The following NKAIN3 variants were observed in gnomAD, a reference collection of about 807,000 sequenced individuals.
NKAIN3 encodes the protein sodium/potassium-transporting ATPase subunit beta-1-interacting protein 3.
A neutral mutation model predicts 30.2 loss-of-function variants in NKAIN3; 25 were observed. That is an observed-to-expected ratio of 0.83 (90% CI 0.60 to 1.16). The LOEUF (loss-of-function observed/expected upper bound fraction) is 1.16. Among genes scored for constraint, NKAIN3 ranks in the 50% most tolerant of loss-of-function variants. The pLI is 0.00. For synonymous variants in NKAIN3, 91 were observed against 89.6 expected, an observed-to-expected ratio of 1.02 and a Z score of -0.09; for missense variants, 225 against 254.1, an observed-to-expected ratio of 0.89 and a Z score of 0.78.
chr8:62,871,744 C>T (rs1820653714), intron 4 of NKAIN3, among the ~76,000 whole-genome samples: 2 of 152,160 alleles, frequency 1.3e-5, no homozygotes. Context: ...TATGGAATCC[C>T]TCCTTTAACT....
intron 2 of NKAIN3, among the ~76,000 whole-genome samples, chr8:62,580,927 G>T (rs1159642846): frequency 6.9e-5 from 8 of 116,300 alleles, no homozygotes; most frequent in Non-Finnish European, 1.3e-4. Context: ...TATATATATA[G>T]AAATCCAGTG....
chr8:62,304,773 A>G (rs996170657), intron 1 of NKAIN3, among the ~76,000 whole-genome samples: 5 of 150,306 alleles, frequency 3.3e-5, no homozygotes, highest in African/African-American at 1.3e-4. Flanking sequence ...ACTCAACCAG[A>G]GTGACAGCAT....
chr8:62,723,433 T>A (rs1309704012), intron 3 of NKAIN3, among the ~76,000 whole-genome samples: 1 of 152,116 alleles, frequency 6.6e-6, no homozygotes, highest in Admixed American at 6.5e-5. Flanking sequence ...ATCACAAAGG[T>A]AGCACAATTT....
intron 3 of NKAIN3, among the ~76,000 whole-genome samples, chr8:62,594,500 G>T (rs1810761738): frequency 6.6e-6 from 1 of 151,874 alleles, no homozygotes; most frequent in Non-Finnish European, 1.5e-5. Flanking sequence ...CTACCTTTTT[G>T]TTTCCCTCAC....
At chr8:62,347,641 G>T (rs1816043986) in intron 1 of NKAIN3, among the ~76,000 whole-genome samples, 4 of 152,052 alleles carry the variant, frequency 2.6e-5, no homozygotes, top group Admixed American at 2.6e-4. Context: ...TAAAAAATAT[G>T]AATAAACATG....
rs1424742261 is a variant in NKAIN3, at chr8:62,983,803, A to T, written c.*18396A>T. On this transcript the variant is annotated 3_prime_UTR_variant, in exon 7 of 7. Transcript: ENST00000623646. ...ACTTCTGACAGACCTCTGAATTTGC[A>T]TTAAAAAGAGCACGTCTACAGCTCC... The T allele has an allele frequency of 6.6e-6, 1 of 152,216 alleles. No homozygotes were observed. The allele number at this position is 152,216 out of a possible 1,614,324, so 9.4% of individuals were successfully genotyped here.
chr8:62,589,992 A>G (rs1271041043), intron 3 of NKAIN3, among the ~76,000 whole-genome samples, 198 bp downstream of exon 3: 1 of 151,102 alleles, frequency 6.6e-6, no homozygotes, highest in African/African-American at 2.4e-5. Context: ...GTGTGTTAAT[A>G]TCATGGAACT....
chr8:62,788,364 C>T (rs1480824294), intron 4 of NKAIN3, among the ~76,000 whole-genome samples: 19 of 152,180 alleles, frequency 1.2e-4, no homozygotes, highest in African/African-American at 2.4e-4. Context: ...TCATATCCTT[C>T]GCCCACTTTT....
intron 1 of NKAIN3, among the ~76,000 whole-genome samples, chr8:62,254,565 G>A (rs898089817): frequency 6.6e-6 from 1 of 151,514 alleles, no homozygotes; most frequent in African/African-American, 2.4e-5. Flanking sequence ...ACATAGAGCT[G>A]GAATCATTGG....
At chr8:62,472,996 C>T (rs1722221604) in intron 1 of NKAIN3, among the ~76,000 whole-genome samples, 2 of 152,236 alleles carry the variant, frequency 1.3e-5, no homozygotes, top group South Asian at 4.1e-4. Flanking sequence ...AAAACATTCA[C>T]TGCAATATAC....
At chr8:62,662,176 C>A (rs1812966978) in intron 3 of NKAIN3, among the ~76,000 whole-genome samples, 1 of 152,168 alleles carries the variant, frequency 6.6e-6, no homozygotes, top group South Asian at 2.1e-4. Context: ...CCCAGGCAGG[C>A]TGAGGAGCAC....
intron 1 of NKAIN3, among the ~76,000 whole-genome samples, chr8:62,364,177 G>C (rs1816653981): frequency 6.6e-6 from 1 of 152,158 alleles, no homozygotes; most frequent in African/African-American, 2.4e-5. Context: ...TATGTGTTCT[G>C]TTGTAGGTCC....
At chr8:62,937,856 TG>T (rs1178471806) in intron 5 of NKAIN3, among the ~76,000 whole-genome samples, 1 of 151,976 alleles carries the variant, frequency 6.6e-6, no homozygotes, top group Non-Finnish European at 1.5e-5. Flanking sequence ...TTGGTGCTAT[TG>T]GGGGTGACAT....
At chr8:62,449,285 G>A (rs1805572883) in intron 1 of NKAIN3, among the ~76,000 whole-genome samples, 1 of 151,950 alleles carries the variant, frequency 6.6e-6, no homozygotes, top group Non-Finnish European at 1.5e-5. Context: ...CCGGTTTAGT[G>A]GCTAAGCTTA....
At chr8:62,547,934 G>A (rs534792180) in intron 1 of NKAIN3, among the ~76,000 whole-genome samples, 1 of 152,296 alleles carries the variant, frequency 6.6e-6, no homozygotes, top group Admixed American at 6.5e-5. Context: ...ACAGGATTCT[G>A]CATTTCTCTC....
At chr8:62,760,707 C>T (rs890929122) in intron 4 of NKAIN3, among the ~76,000 whole-genome samples, 2 of 152,006 alleles carry the variant, frequency 1.3e-5, no homozygotes, top group African/African-American at 4.8e-5. Context: ...AGCACACCAA[C>T]ATGGCACATG....
rs553222806 is a variant in NKAIN3 at position 62,390,674 on chromosome 8, C to G, written c.54+141547C>G. 1.7e-4 allele frequency among the ~76,000 whole-genome samples: 26 copies of G among 152,244 alleles called. No individual in the cohort carries two copies. In the East Asian group the frequency reaches 4.8e-3, roughly 28 times the overall value. ...ACACTCTCACAGAGTAAAAGCATTC[C>G]TTTTTCTCCACAACCTCATCAGCAT... On this transcript the variant is annotated intron_variant, in intron 1 of 6. Coordinates refer to ENST00000623646, the MANE Select transcript of NKAIN3 (RefSeq NM_001304533.3).
intron 1 of NKAIN3, among the ~76,000 whole-genome samples, chr8:62,480,419 T>G (rs7016185): frequency 0.014 from 2,178 of 151,666 alleles, 56 homozygotes; most frequent in African/African-American, 0.05. Context: ...TTAATAAAGC[T>G]GGGGGGAAAA....
chr8:62,650,320 A>G (rs1812585860), intron 3 of NKAIN3, among the ~76,000 whole-genome samples: 1 of 152,152 alleles, frequency 6.6e-6, no homozygotes, highest in South Asian at 2.1e-4. Flanking sequence ...TAGAGTAACA[A>G]TGCTCTAATT....
Sources: allele counts gnomAD v4.1 joint callset (sites outside exome capture counted in the v4.1 genomes callset), GRCh38; gene constraint gnomAD v4.1.1; transcripts MANE v1.5; gene names NCBI Gene and HGNC (gene_info 2026-07-23, HGNC 2026-07-21).